Variants in SPATA1 observed in about 807,000 individuals in gnomAD.
SPATA1 encodes the protein spermatogenesis-associated protein 1.
Under a neutral mutation model 59.6 loss-of-function variants are expected in SPATA1, and 57 were observed. That is an observed-to-expected ratio of 0.96 (90% CI 0.77 to 1.19). The LOEUF is 1.19. Among genes scored for constraint, SPATA1 ranks in the 50% most tolerant of loss-of-function variants. SPATA1 has a pLI of 0.00. For synonymous variants in SPATA1, 147 were observed against 163.9 expected (o/e 0.90, Z 0.79); for missense variants, 448 against 480.7 (o/e 0.93, Z 0.64).
intron 6 of SPATA1, among the ~76,000 whole-genome samples, chr1:84,526,574 CA>C (rs1268597251): frequency 1.3e-5 from 2 of 151,868 alleles, no homozygotes; most frequent in African/African-American, 4.8e-5. Context: ...CTCAATTCTT[CA>C]AAAGTGATAG....
intron 4 of SPATA1, among the ~76,000 whole-genome samples, chr1:84,562,903 T>G (rs1262904299): frequency 6.6e-6 from 1 of 152,208 alleles, no homozygotes; most frequent in African/African-American, 2.4e-5. Context: ...AAATGGAGGC[T>G]TTCAGAGATA....
chr1:84,513,895 G>A (rs1682683302), intron 1 of SPATA1, among the ~76,000 whole-genome samples: 3 of 142,170 alleles, frequency 2.1e-5, no homozygotes. Flanking sequence ...AGGCTGGAGT[G>A]CAGTGGCACG....
chr1:84,547,832 G>A (rs1684138833), intron 10 of SPATA1, among the ~76,000 whole-genome samples: 1 of 152,096 alleles, frequency 6.6e-6, no homozygotes, highest in Admixed American at 6.6e-5. Flanking sequence ...TTCTAAGCAA[G>A]GTAGGAAGCC....
chr1:84,526,792 A>C (rs1030022495), intron 6 of SPATA1, among the ~76,000 whole-genome samples: 1 of 148,832 alleles, frequency 6.7e-6, no homozygotes, highest in African/African-American at 2.5e-5. Context: ...TGCTTGAGCC[A>C]GGGACGGGGA....
chr1:84,525,563 A>T (rs993212834), intron 4 of SPATA1, 133 bp from the exon 5 acceptor site: 1 of 656,246 alleles, frequency 1.5e-6, no homozygotes, highest in Non-Finnish European at 2.6e-6. Flanking sequence ...CATTTCTAGA[A>T]TCTAGCCATA....
At position 84,550,084 on chromosome 1, in the gene SPATA1, ATAT is replaced by A. The variant is rs142634573; in HGVS notation, c.1126-342_1126-340del. The A allele has an allele frequency of 9.1e-3, 1,403 of 153,896 alleles. 57 individuals carry two copies. In the East Asian group the frequency reaches 0.13, roughly 15 times the overall value. The allele number at this position is 153,896 out of a possible 1,614,324, so 9.5% of individuals were successfully genotyped here. A position where few individuals can be genotyped will look rare whatever the true frequency, so the allele number is the denominator to read the frequency against. On this transcript the variant is annotated intron_variant, in intron 11 of 12. Transcript: ENST00000490879. Reference sequence around the variant, plus strand: ...GTTTTTGCATATAAAATATAGTATCATATTATTAAGTATTTTAAAATAATTCTA... The same window carrying A: ...GTTTTTGCATATAAAATATAGTATCATATTAAGTATTTTAAAATAATTCTA...
At chr1:84,535,662 T>C (rs4907080) in intron 8 of SPATA1, among the ~76,000 whole-genome samples, 29,181 of 152,092 alleles carry the variant, frequency 0.19, 2,983 homozygotes, top group South Asian at 0.3. Context: ...TTGATTTTTA[T>C]ACATTGAACT....
At chr1:84,520,671 C>A in exon 3 of SPATA1, 1 of 1,565,152 alleles carries the variant, frequency 6.4e-7, no homozygotes, top group South Asian at 1.2e-5. Flanking sequence ...TTAACAAATT[C>A]ATTTCAGCTG....
chr1:84,508,934 AAGAT>A (rs1466394186), intron 1 of SPATA1, among the ~76,000 whole-genome samples: 1 of 152,226 alleles, frequency 6.6e-6, no homozygotes, highest in Non-Finnish European at 1.5e-5. Context: ...AAAAAATGGG[AAGAT>A]ACTCCATGTT....
At chr1:84,556,852 T>C (rs1684446348), downstream of SPATA1, among the ~76,000 whole-genome samples, 1 of 152,184 alleles carries the variant, frequency 6.6e-6, no homozygotes, top group Admixed American at 6.5e-5. Flanking sequence ...TTTAACATTT[T>C]TAGAACTAGA....
At chr1:84,551,053 C>T (rs890126462) in intron 12 of SPATA1, 8 of 985,102 alleles carry the variant, frequency 8.1e-6, no homozygotes, top group Non-Finnish European at 9.6e-6. Flanking sequence ...ATAGCAGATG[C>T]TTAGTAGAGG....
At chr1:84,547,257 A>G (rs1320168222) in intron 10 of SPATA1, among the ~76,000 whole-genome samples, 1 of 152,230 alleles carries the variant, frequency 6.6e-6, no homozygotes, top group Non-Finnish European at 1.5e-5. Flanking sequence ...TCTTTTACTT[A>G]GACAAGTTAC....
chr1:84,563,457 T>C, intron 4 of SPATA1: 1 of 1,383,184 alleles, frequency 7.2e-7, no homozygotes, highest in Non-Finnish European at 9.5e-7. Context: ...TATTATCAAT[T>C]ATGCAATTCT....
intron 6 of SPATA1, among the ~76,000 whole-genome samples, chr1:84,531,830 G>T (rs1190225355): frequency 1.3e-5 from 2 of 152,122 alleles, no homozygotes; most frequent in Non-Finnish European, 2.9e-5. Context: ...ACAGTGCTGG[G>T]TTTACAGGCA....
At chr1:84,538,417 T>G (rs571874408) in intron 8 of SPATA1, among the ~76,000 whole-genome samples, 119 of 152,282 alleles carry the variant, frequency 7.8e-4, no homozygotes, top group African/African-American at 2.8e-3. Context: ...CATATCATGA[T>G]CCCCTTGGAC....
At chr1:84,509,399 C>T (rs1289474651) in intron 1 of SPATA1, among the ~76,000 whole-genome samples, 1 of 152,200 alleles carries the variant, frequency 6.6e-6, no homozygotes, top group Non-Finnish European at 1.5e-5. Context: ...TCTCTCTCCT[C>T]GTATACCAAA....
chr1:84,529,765 T>TG (rs1448882044), intron 6 of SPATA1, among the ~76,000 whole-genome samples: 1 of 151,634 alleles, frequency 6.6e-6, no homozygotes, highest in South Asian at 2.1e-4. Flanking sequence ...TTAGCAGAGA[T>TG]GGACTCCTGA....
chr1:84,513,769 G>A (rs1246158), intron 1 of SPATA1, among the ~76,000 whole-genome samples: 2,616 of 151,394 alleles, frequency 0.017, 68 homozygotes, highest in African/African-American at 0.058. Flanking sequence ...TTATAAATAA[G>A]TATAGCTTTC....
intron 12 of SPATA1, chr1:84,553,004 G>T: frequency 7.2e-7 from 1 of 1,381,102 alleles, no homozygotes; most frequent in South Asian, 1.3e-5. Flanking sequence ...GTATGATGAA[G>T]TTCATTTTTG....
Sources: gnomAD v4.1 joint callset for allele counts (sites outside exome capture counted in the v4.1 genomes callset) on GRCh38, gnomAD v4.1.1 for gene constraint, MANE v1.5 for transcripts, NCBI Gene and HGNC (gene_info 2026-07-23, HGNC 2026-07-21) for gene names.